MYT1L: variants seen among roughly 807,000 people sequenced by gnomAD.
The protein encoded by MYT1L is myelin transcription factor 1 like.
A neutral mutation model predicts 126.7 loss-of-function variants in MYT1L; 12 were observed. That is an observed-to-expected ratio of 0.09 (90% CI 0.06 to 0.15). The LOEUF is 0.15. Ranked by LOEUF, MYT1L falls within the 10% of genes least tolerant of loss-of-function variation. MYT1L has a pLI of 1.00. For synonymous variants in MYT1L, 541 were observed against 604.2 expected (o/e 0.90, Z 1.53); for missense variants, 979 against 1,585.2 (o/e 0.62, Z 6.49).
chr2:2,103,487 C>A (rs893626515), intron 3 of MYT1L, among the ~76,000 whole-genome samples: 5 of 152,214 alleles, frequency 3.3e-5, no homozygotes, highest in African/African-American at 1.2e-4. Flanking sequence ...AGAATGGAGG[C>A]GGCCATTCAA....
At chr2:1,998,364 C>G (rs2062050875) in intron 4 of MYT1L, among the ~76,000 whole-genome samples, 1 of 152,168 alleles carries the variant, frequency 6.6e-6, no homozygotes, top group Admixed American at 6.5e-5. Context: ...CTCATTAGAG[C>G]AACAGGAAAC....
At chr2:2,047,494 T>C (rs1463397403) in intron 4 of MYT1L, among the ~76,000 whole-genome samples, 1 of 152,214 alleles carries the variant, frequency 6.6e-6, no homozygotes, top group African/African-American at 2.4e-5. Context: ...AGAATTCTCC[T>C]TCACAAGTGA....
intron 9 of MYT1L, among the ~76,000 whole-genome samples, chr2:1,928,227 A>G (rs758186250): frequency 1.3e-5 from 2 of 152,182 alleles, no homozygotes; most frequent in South Asian, 2.1e-4. Flanking sequence ...GGTGTTAGCT[A>G]CTGCACCTGG....
chr2:2,132,192 C>T (rs923997622), intron 3 of MYT1L, among the ~76,000 whole-genome samples: 1 of 151,614 alleles, frequency 6.6e-6, no homozygotes, highest in Non-Finnish European at 1.5e-5. Context: ...CAGGCATGAG[C>T]CACTGCGCCC....
chr2:2,325,264 G>A (rs2096230732), intron 1 of MYT1L: 1 of 152,118 alleles, frequency 6.6e-6, no homozygotes, highest in African/African-American at 2.4e-5. Context: ...ATAAAAGAAT[G>A]GTGACACAAG....
intron 9 of MYT1L, among the ~76,000 whole-genome samples, chr2:1,938,156 C>G (rs1481491418): frequency 6.6e-6 from 1 of 152,190 alleles, no homozygotes; most frequent in Non-Finnish European, 1.5e-5. Flanking sequence ...AATGCTGATT[C>G]CTGTCTAAGG....
At chr2:2,143,279 G>GC (rs1294252150) in intron 3 of MYT1L, among the ~76,000 whole-genome samples, 3 of 141,296 alleles carry the variant, frequency 2.1e-5, no homozygotes. Flanking sequence ...GACAGAGCGA[G>GC]ACTCCGTCTC....
At chr2:2,153,388 C>A (rs2086141980) in intron 3 of MYT1L, among the ~76,000 whole-genome samples, 1 of 152,198 alleles carries the variant, frequency 6.6e-6, no homozygotes, top group African/African-American at 2.4e-5. Context: ...AAACAGATAC[C>A]ACCTGGGGCT....
chr2:2,225,437 C>T (rs1410625118), intron 2 of MYT1L, among the ~76,000 whole-genome samples: 1 of 152,322 alleles, frequency 6.6e-6, no homozygotes, highest in East Asian at 1.9e-4. Flanking sequence ...CGTCCACTCT[C>T]CAGTCTCGTC....
At chr2:2,017,243 A>G (rs2064517920) in intron 4 of MYT1L, among the ~76,000 whole-genome samples, 2 of 152,210 alleles carry the variant, frequency 1.3e-5, no homozygotes, top group South Asian at 4.1e-4. Context: ...GACATCAACT[A>G]ACCTCCTTCC....
intron 8 of MYT1L, among the ~76,000 whole-genome samples, chr2:1,961,866 A>C (rs1188960552): frequency 6.6e-6 from 1 of 152,230 alleles, no homozygotes; most frequent in African/African-American, 2.4e-5. Flanking sequence ...GGTTTGACAG[A>C]AGAAATATGA....
chr2:2,127,500 G>A (rs563464130), intron 3 of MYT1L, among the ~76,000 whole-genome samples: 9 of 152,202 alleles, frequency 5.9e-5, no homozygotes, highest in African/African-American at 2.2e-4. Flanking sequence ...AACCCACACC[G>A]CCATCTCAAT....
At chr2:1,850,040 GGC>G (rs759072115) in intron 19 of MYT1L, among the ~76,000 whole-genome samples, 2,338 of 150,230 alleles carry the variant, frequency 0.016, 53 homozygotes, top group Non-Finnish European at 0.026. Context: ...GTGAGGGGGG[GGC>G]CATTATCCAC....
chr2:1,888,681 T>C (rs1043157670), intron 16 of MYT1L, among the ~76,000 whole-genome samples: 8 of 152,224 alleles, frequency 5.3e-5, no homozygotes, highest in Non-Finnish European at 7.3e-5. Context: ...TTGAACACTG[T>C]AGCTACTTCA....
intron 9 of MYT1L, among the ~76,000 whole-genome samples, chr2:1,930,657 T>A (rs2054837220): frequency 6.6e-6 from 1 of 152,154 alleles, no homozygotes; most frequent in South Asian, 2.1e-4. Flanking sequence ...GGTATCTGAA[T>A]TTTGCTTTCA....
chr2:1,837,889 C>T (rs1452146829), intron 21 of MYT1L, among the ~76,000 whole-genome samples: 1 of 144,648 alleles, frequency 6.9e-6, no homozygotes, highest in Non-Finnish European at 1.5e-5. Context: ...TTCTCTCTCT[C>T]TTTTTTTTTT....
intron 4 of MYT1L, among the ~76,000 whole-genome samples, chr2:2,018,434 T>C (rs921889904): frequency 4.6e-5 from 7 of 152,102 alleles, no homozygotes; most frequent in East Asian, 1.9e-4. Flanking sequence ...AGGACCTGCA[T>C]TGGTCACTAG....
chr2:2,025,776 T>C (rs1369300509), intron 4 of MYT1L, among the ~76,000 whole-genome samples: 1 of 152,096 alleles, frequency 6.6e-6, no homozygotes, highest in African/African-American at 2.4e-5. Flanking sequence ...TAAATTTACA[T>C]ATAACATTCC....
At chr2:1,915,328 T>A (rs1231653436) in intron 11 of MYT1L, among the ~76,000 whole-genome samples, 1 of 152,130 alleles carries the variant, frequency 6.6e-6, no homozygotes, top group African/African-American at 2.4e-5. Flanking sequence ...TTGTCTGGCA[T>A]GCACCTGTGC....
Sources: allele counts gnomAD v4.1 joint callset (sites outside exome capture counted in the v4.1 genomes callset), GRCh38; gene constraint gnomAD v4.1.1; transcripts MANE v1.5; gene names NCBI Gene and HGNC (gene_info 2026-07-23, HGNC 2026-07-21).